The following USH2A variants were observed in gnomAD, a reference collection of about 807,000 sequenced individuals.
The protein encoded by USH2A is usherin.
USH2A carries 443 observed loss-of-function variants against 538.9 expected under a neutral mutation model. The ratio of observed to expected loss-of-function variants is 0.82; its 90% CI spans 0.76 to 0.89. USH2A has a LOEUF of 0.89. USH2A is among the 40% of genes least tolerant of loss of function. The pLI is 0.00. For missense variants in USH2A, 6,633 were observed against 6,324.8 expected, an observed-to-expected ratio of 1.05 and a Z score of -1.65; for synonymous variants, 2,413 against 2,273.5, an observed-to-expected ratio of 1.06 and a Z score of -1.75.
chr1:216,144,880 C>T (rs1337468205), intron 21 of USH2A, among the ~76,000 whole-genome samples: 1 of 152,158 alleles, frequency 6.6e-6, no homozygotes, highest in Admixed American at 6.6e-5. Flanking sequence ...CATTCATATG[C>T]TCATAGCTTC....
chr1:216,231,630 C>T (rs1351406307), intron 14 of USH2A, among the ~76,000 whole-genome samples: 1 of 151,818 alleles, frequency 6.6e-6, no homozygotes, highest in Non-Finnish European at 1.5e-5. Context: ...CTCACTGCAA[C>T]CTACCCCTCC....
intron 40 of USH2A, among the ~76,000 whole-genome samples, chr1:215,890,539 T>C (rs898059199): frequency 3.9e-5 from 6 of 152,170 alleles, no homozygotes; most frequent in Non-Finnish European, 8.8e-5. Context: ...AATTTGGTAA[T>C]GTATCCTATT....
At chr1:215,726,566 C>A (rs546013039) in intron 61 of USH2A, among the ~76,000 whole-genome samples, 1 of 152,234 alleles carries the variant, frequency 6.6e-6, no homozygotes, top group East Asian at 1.9e-4. Flanking sequence ...ATGTTATCCT[C>A]CATAAGATAA....
intron 37 of USH2A, among the ~76,000 whole-genome samples, chr1:215,959,879 G>C (rs1208136146): frequency 6.6e-6 from 1 of 152,066 alleles, no homozygotes; most frequent in East Asian, 1.9e-4. Flanking sequence ...AATCTGTCAG[G>C]ATATCAAGCA....
At chr1:216,307,040 G>A (rs957335045) in intron 9 of USH2A, among the ~76,000 whole-genome samples, 1 of 151,730 alleles carries the variant, frequency 6.6e-6, no homozygotes, top group African/African-American at 2.4e-5. Context: ...TTTCAAGAGA[G>A]CATCAACGGC....
At chr1:216,094,640 C>T (rs2032394493) in intron 22 of USH2A, among the ~76,000 whole-genome samples, 1 of 151,934 alleles carries the variant, frequency 6.6e-6, no homozygotes, top group Non-Finnish European at 1.5e-5. Context: ...TGTTATTTTT[C>T]CTTTTGGCTA....
chr1:216,102,504 A>G (rs1233761891), intron 21 of USH2A, among the ~76,000 whole-genome samples: 1 of 152,082 alleles, frequency 6.6e-6, no homozygotes, highest in Non-Finnish European at 1.5e-5. Context: ...AGTATTTATT[A>G]AGTTATACTT....
chr1:215,719,047 C>T (rs1441571027), intron 61 of USH2A, among the ~76,000 whole-genome samples: 1 of 152,234 alleles, frequency 6.6e-6, no homozygotes, highest in African/African-American at 2.4e-5. Context: ...CACCAACTAA[C>T]TGTCCCTCAT....
chr1:215,671,941 A>G (rs1242562868), intron 63 of USH2A, among the ~76,000 whole-genome samples: 1 of 152,180 alleles, frequency 6.6e-6, no homozygotes. Context: ...AGCTTAAAAC[A>G]GCCTCCCTTA....
At chr1:216,355,383 G>GAAAGAAACAAAC (rs879931965) in intron 4 of USH2A, among the ~76,000 whole-genome samples, 4 of 148,422 alleles carry the variant, frequency 2.7e-5, no homozygotes, top group Non-Finnish European at 6.0e-5. Context: ...AAGAAGGAAA[G>GAAAGAAACAAAC]AAACATATAG....
At chr1:216,205,557 T>C (rs1430652939) in intron 16 of USH2A, among the ~76,000 whole-genome samples, 2 of 152,158 alleles carry the variant, frequency 1.3e-5, no homozygotes, top group Non-Finnish European at 2.9e-5. Flanking sequence ...AATAAAACTC[T>C]ATGCGATGCA....
At chr1:215,792,526 T>C (rs888010546) in intron 50 of USH2A, among the ~76,000 whole-genome samples, 5 of 152,176 alleles carry the variant, frequency 3.3e-5, no homozygotes, top group Admixed American at 3.3e-4. Context: ...TTTCACTTAA[T>C]GGCCAGAACG....
chr1:215,880,636 C>T (rs563645375), intron 41 of USH2A, among the ~76,000 whole-genome samples: 3 of 152,016 alleles, frequency 2.0e-5, no homozygotes, highest in South Asian at 2.1e-4. Context: ...TCTGTGGACC[C>T]GGAAAATGAG....
intron 3 of USH2A, among the ~76,000 whole-genome samples, chr1:216,415,079 A>G (rs1007821268): frequency 3.9e-5 from 6 of 152,242 alleles, no homozygotes; most frequent in Non-Finnish European, 7.4e-5. Context: ...GCCAAGCAGC[A>G]TGGGAGAAGA....
chr1:215,759,336 T>C (rs1192361018), intron 57 of USH2A, among the ~76,000 whole-genome samples: 1 of 152,148 alleles, frequency 6.6e-6, no homozygotes, highest in African/African-American at 2.4e-5. Flanking sequence ...CAAAACTCTT[T>C]ACATCTCTTT....
At chr1:216,090,282 A>C (rs935695662) in intron 22 of USH2A, among the ~76,000 whole-genome samples, 2 of 152,006 alleles carry the variant, frequency 1.3e-5, no homozygotes, top group Admixed American at 6.6e-5. Context: ...AATGTTAATC[A>C]TACCATCTTT....
intron 6 of USH2A, among the ~76,000 whole-genome samples, chr1:216,324,623 C>T (rs2037693370): frequency 6.6e-6 from 1 of 152,018 alleles, no homozygotes; most frequent in Non-Finnish European, 1.5e-5. Flanking sequence ...AAATAAATGT[C>T]ATATATAGAG....
intron 35 of USH2A, among the ~76,000 whole-genome samples, chr1:215,990,760 CTTTTTTTTTTT>C (rs35293238): frequency 8.7e-6 from 1 of 114,582 alleles, no homozygotes; most frequent in Admixed American, 1.0e-4. Flanking sequence ...CTTAATTTTC[CTTTTTTTTTTT>C]TTTTTTTTGA....
At chr1:216,405,745 T>A (rs2102766288) in intron 3 of USH2A, among the ~76,000 whole-genome samples, 1 of 152,346 alleles carries the variant, frequency 6.6e-6, no homozygotes, top group Non-Finnish European at 1.5e-5. Flanking sequence ...GCTTTAACTG[T>A]GTTTGATACA....
Sources: allele counts gnomAD v4.1 joint callset (sites outside exome capture counted in the v4.1 genomes callset), GRCh38; gene constraint gnomAD v4.1.1; transcripts MANE v1.5; gene names NCBI Gene and HGNC (gene_info 2026-07-23, HGNC 2026-07-21).